The following MTRF1 variants were observed in gnomAD, a reference collection of about 807,000 sequenced individuals.
MTRF1 encodes the protein peptide chain release factor 1, mitochondrial.
A neutral mutation model predicts 62.9 loss-of-function variants in MTRF1; 51 were observed. The observed-to-expected ratio is 0.81, with a 90% CI of 0.65 to 1.02. MTRF1 has a LOEUF of 1.02. Among genes scored for constraint, MTRF1 ranks in the 50% least tolerant of loss-of-function variants. The pLI is 0.00. For missense variants in MTRF1, 446 were observed against 530.0 expected (o/e 0.84, Z 1.56); for synonymous variants, 158 against 181.9 (o/e 0.87, Z 1.06).
the MTRF1 span, among the ~76,000 whole-genome samples, chr13:41,273,123 G>A: frequency 9.9e-5 from 15 of 152,032 alleles, no homozygotes; most frequent in South Asian, 2.1e-4. Flanking sequence ...TCAGGAGATC[G>A]AGACCATCCT....
intron 6 of MTRF1, among the ~76,000 whole-genome samples, chr13:41,234,617 C>A (rs950542769): frequency 2.0e-5 from 3 of 152,126 alleles, no homozygotes; most frequent in African/African-American, 7.2e-5. Flanking sequence ...CACATATATA[C>A]TATATATTGT....
intron 5 of MTRF1, among the ~76,000 whole-genome samples, chr13:41,247,990 G>A (rs1456763878): frequency 6.6e-6 from 1 of 152,162 alleles, no homozygotes; most frequent in African/African-American, 2.4e-5. Flanking sequence ...ACAGTGACTA[G>A]AAGTCCTCAA....
intron 2 of MTRF1, among the ~76,000 whole-genome samples, chr13:41,256,807 G>A (rs549768289): frequency 9.9e-5 from 15 of 152,234 alleles, no homozygotes; most frequent in African/African-American, 2.4e-4. Flanking sequence ...TGTAGAATCC[G>A]TCTAATTCAA....
chr13:41,311,680 C>T, the MTRF1 span: 2 of 1,081,168 alleles, frequency 1.8e-6, no homozygotes, highest in South Asian at 1.4e-5. Context: ...CCAGGCTTGG[C>T]CTCCGCTGCC....
At chr13:41,252,922 T>A in intron 4 of MTRF1, 27 bp downstream of exon 4, 1 of 1,530,532 alleles carries the variant, frequency 6.5e-7, no homozygotes, top group Non-Finnish European at 9.0e-7. Context: ...TTTTAGATCA[T>A]TTAAATAATA....
At chr13:41,251,550 G>A (rs918693187) in intron 5 of MTRF1, among the ~76,000 whole-genome samples, 2 of 152,068 alleles carry the variant, frequency 1.3e-5, no homozygotes, top group African/African-American at 4.8e-5. Flanking sequence ...CTGCTGCTCA[G>A]GTTGTTTCTT....
chr13:41,224,731 A>G (rs1173104489), intron 8 of MTRF1, among the ~76,000 whole-genome samples: 2 of 152,216 alleles, frequency 1.3e-5, no homozygotes, highest in African/African-American at 4.8e-5. Flanking sequence ...CCTTCTGTAT[A>G]AAAGCCAAGT....
At chr13:41,280,557 G>T in the MTRF1 span, among the ~76,000 whole-genome samples, 8 of 152,110 alleles carry the variant, frequency 5.3e-5, no homozygotes, top group African/African-American at 1.9e-4. Flanking sequence ...ATATTTTACA[G>T]ATTTTGACTC....
chr13:41,292,659 C>A, the MTRF1 span, among the ~76,000 whole-genome samples: 1 of 149,696 alleles, frequency 6.7e-6, no homozygotes, highest in Non-Finnish European at 1.5e-5. Flanking sequence ...TTACAAAAAT[C>A]AAACTGCTCT....
At chr13:41,220,686 T>C (rs758290174) in intron 9 of MTRF1, 17 of 898,270 alleles carry the variant, frequency 1.9e-5, no homozygotes, top group Non-Finnish European at 2.7e-5. Context: ...ATCAGGGTTC[T>C]TTCTGTCTAT....
chr13:41,257,687 A>C (rs1204239848), intron 2 of MTRF1: 6 of 366,442 alleles, frequency 1.6e-5, no homozygotes, highest in African/African-American at 1.2e-4. Flanking sequence ...AGTCCCAGCT[A>C]CTTGGGAGGC....
intron 6 of MTRF1, chr13:41,235,895 TTTTG>T (rs969584640): frequency 1.3e-5 from 2 of 152,380 alleles, no homozygotes; most frequent in African/African-American, 4.8e-5. Flanking sequence ...TATGTTTTTA[TTTTG>T]TTTGTTTTTT....
At chr13:41,240,234 G>A (rs1360471347) in intron 6 of MTRF1, 27 bp downstream of exon 6, 1 of 1,576,368 alleles carries the variant, frequency 6.3e-7, no homozygotes, top group East Asian at 2.3e-5. Flanking sequence ...CATGGAGTGA[G>A]TTTCCCTTGC....
chr13:41,300,456 G>C, the MTRF1 span, among the ~76,000 whole-genome samples: 1 of 151,916 alleles, frequency 6.6e-6, no homozygotes, highest in East Asian at 1.9e-4. Flanking sequence ...CATGGTGGTG[G>C]GCGCCTGTAG....
intron 5 of MTRF1, among the ~76,000 whole-genome samples, chr13:41,243,384 G>A (rs1297211429): frequency 4.0e-5 from 5 of 124,212 alleles, no homozygotes; most frequent in African/African-American, 1.5e-4. Context: ...CAGCCTGGGA[G>A]ACAGAGTGAG....
chr13:41,266,845 A>G (rs2040845004), upstream of MTRF1, among the ~76,000 whole-genome samples: 1 of 151,548 alleles, frequency 6.6e-6, no homozygotes, highest in Admixed American at 6.6e-5. Flanking sequence ...ATACAAAAAA[A>G]TTAGCCGGGC....
In MTRF1 at chr13:41,240,417, T is replaced by G; in HGVS notation, c.714A>C (p.Ala238=). Residue 238 remains alanine (A), a synonymous_variant, in exon 6 of 10, where the codon GCA becomes GCC. Transcript: ENST00000379480. ...CACCGTCACCGGAAATTCGGGCGGCTGCATGATGTAGTCCACCTAGGGGAA... is the reference window on the plus strand; with the variant it reads ...CACCGTCACCGGAAATTCGGGCGGCGGCATGATGTAGTCCACCTAGGGGAA... The part of the protein sequence containing the change: ...TPADYGGLHH[A]AARISGDGVY... The G allele has an allele frequency of 6.2e-7, 1 of 1,613,482 alleles. No homozygotes were observed. The highest frequency in any genetic ancestry group is 1.1e-5 in the South Asian group (1 of 90,910).
At chr13:41,268,628 G>T in the MTRF1 span, among the ~76,000 whole-genome samples, 3 of 152,000 alleles carry the variant, frequency 2.0e-5, no homozygotes, top group African/African-American at 7.2e-5. Flanking sequence ...ACAACAAACA[G>T]AACTCAAGGG....
chr13:41,261,910 T>C, intron 1 of MTRF1: 2 of 331,474 alleles, frequency 6.0e-6, no homozygotes, highest in Non-Finnish European at 8.6e-6. Flanking sequence ...TGGTGACAAT[T>C]ATATTAAGCA....
Sources: gnomAD v4.1 joint callset for allele counts (sites outside exome capture counted in the v4.1 genomes callset) on GRCh38, gnomAD v4.1.1 for gene constraint, MANE v1.5 for transcripts, NCBI Gene and HGNC (gene_info 2026-07-23, HGNC 2026-07-21) for gene names.